The following ELMO1 variants were observed in gnomAD, a reference collection of about 807,000 sequenced individuals.
ELMO1 encodes the protein engulfment and cell motility protein 1.
Under a neutral mutation model 98.9 loss-of-function variants are expected in ELMO1, and 26 were observed. The observed-to-expected ratio is 0.26, with a 90% CI of 0.19 to 0.36. ELMO1 has a LOEUF of 0.36. Among genes scored for constraint, ELMO1 ranks in the 10% least tolerant of loss-of-function variants. The probability of loss-of-function intolerance (pLI) is 1.00; values close to 1 mark genes in which losing one functional copy is unlikely to be tolerated. For missense variants in ELMO1, 627 were observed against 935.2 expected, an observed-to-expected ratio of 0.67 and a Z score of 4.30; for synonymous variants, 346 against 346.0, an observed-to-expected ratio of 1.00 and a Z score of 0.00.
intron 16 of ELMO1, among the ~76,000 whole-genome samples, chr7:36,971,051 C>A (rs1366202646): frequency 1.3e-5 from 2 of 152,184 alleles, no homozygotes; most frequent in African/African-American, 2.4e-5. Flanking sequence ...CTGTGGAAAC[C>A]CAGGTATGGA....
intron 1 of ELMO1, among the ~76,000 whole-genome samples, chr7:37,388,275 G>C (rs937442415): frequency 6.6e-6 from 1 of 152,154 alleles, no homozygotes; most frequent in Non-Finnish European, 1.5e-5. Context: ...ACTCGATACA[G>C]AGACAACAGG....
chr7:36,910,186 C>G (rs927778861), intron 16 of ELMO1, among the ~76,000 whole-genome samples: 3 of 152,194 alleles, frequency 2.0e-5, no homozygotes, highest in Admixed American at 2.0e-4. Flanking sequence ...CTTTAGAGGT[C>G]CGGTTGATGG....
At chr7:37,320,036 A>T (rs112174487) in intron 2 of ELMO1, among the ~76,000 whole-genome samples, 2,847 of 152,292 alleles carry the variant, frequency 0.019, 105 homozygotes, top group African/African-American at 0.064. Flanking sequence ...TGGGCGGATC[A>T]TGAGGTCAGG....
At chr7:37,121,008 C>A (rs1436287273) in intron 14 of ELMO1, among the ~76,000 whole-genome samples, 1 of 152,222 alleles carries the variant, frequency 6.6e-6, no homozygotes, top group Non-Finnish European at 1.5e-5. Context: ...GATACCCAGG[C>A]AAACAGAGTC....
intron 4 of ELMO1, among the ~76,000 whole-genome samples, chr7:37,298,278 G>GT (rs200612374): frequency 0.016 from 963 of 58,570 alleles, 14 homozygotes; most frequent in Middle Eastern, 0.033. Context: ...AGACTAGGAA[G>GT]TTTTTTTTGT....
intron 15 of ELMO1, chr7:37,033,411 A>T (rs1030425343): frequency 2.2e-6 from 1 of 456,234 alleles, no homozygotes; most frequent in African/African-American, 2.0e-5. Context: ...GAGATAAGTG[A>T]TCTATGAAAA....
chr7:36,863,671 T>C (rs527621753), intron 20 of ELMO1, among the ~76,000 whole-genome samples: 142 of 152,248 alleles, frequency 9.3e-4, no homozygotes, highest in African/African-American at 3.3e-3. Context: ...CAAAGTTAAG[T>C]GGAGAAAAGC....
intron 15 of ELMO1, among the ~76,000 whole-genome samples, chr7:37,062,284 G>A (rs1796706485): frequency 6.6e-6 from 1 of 152,152 alleles, no homozygotes; most frequent in Non-Finnish European, 1.5e-5. Context: ...GAAGAAATGA[G>A]AATGAGCCCA....
chr7:37,104,237 A>G (rs2129269229), intron 14 of ELMO1, among the ~76,000 whole-genome samples: 1 of 152,066 alleles, frequency 6.6e-6, no homozygotes, highest in East Asian at 1.9e-4. Flanking sequence ...AGTGAAGAAT[A>G]TAATTGTTAC....
intron 15 of ELMO1, among the ~76,000 whole-genome samples, chr7:37,055,336 G>A (rs1237851817): frequency 2.0e-5 from 3 of 152,212 alleles, no homozygotes; most frequent in African/African-American, 7.2e-5. Flanking sequence ...ATTTGGGCAG[G>A]CTGATTTCCC....
rs1417853378 is a variant in ELMO1 at position 36,939,206 on chromosome 7, AGGCCAAAGACTTGG to A, written c.1438-44203_1438-44190del. On this transcript the variant is annotated intron_variant, in intron 16 of 21. Transcript: ENST00000310758. ...TTTATCTCCTAGCCACAGCATACAA[AGGCCAAAGACTTGG>A]CCACTTACCGAAGACAGAGTCTAAG... Among the ~76,000 whole-genome samples the A allele has an allele frequency of 2.0e-5, 3 of 149,610 alleles. No homozygotes were observed. In the South Asian group the frequency reaches 6.2e-4, roughly 31 times the overall value.
Position 37,155,578 on chromosome 7 carries a change from T to C in ELMO1, c.1087-22344A>G, listed in dbSNP as rs148703656. Among the ~76,000 whole-genome samples, 224 of 148,766 alleles carry C rather than the reference T, an allele frequency of 1.5e-3. 2 individuals carry two copies. Among genetic ancestry groups the C allele is most frequent in the African/African-American group, 5.3e-3 (210 of 39,748 alleles). On this transcript the variant is annotated intron_variant, in intron 13 of 21. Coordinates refer to ENST00000310758, the MANE Select transcript of ELMO1 (RefSeq NM_014800.11). ...AACAAAGATCAAAAGAGACAAAGAA[T>C]GCCATTACATAATGGTAAAGGGATC...
At chr7:37,015,172 G>A (rs1478182864) in intron 15 of ELMO1, among the ~76,000 whole-genome samples, 1 of 152,042 alleles carries the variant, frequency 6.6e-6, no homozygotes, top group African/African-American at 2.4e-5. Context: ...AAGGGCATGG[G>A]CCTGGAGCAA....
At chr7:37,118,352 A>G (rs748468999) in intron 14 of ELMO1, among the ~76,000 whole-genome samples, 1 of 152,184 alleles carries the variant, frequency 6.6e-6, no homozygotes, top group Non-Finnish European at 1.5e-5. Flanking sequence ...CAGTCTGTTT[A>G]TAATATACTC....
chr7:36,875,266 CT>C (rs3832465), intron 19 of ELMO1, among the ~76,000 whole-genome samples: 1 of 151,224 alleles, frequency 6.6e-6, no homozygotes, highest in African/African-American at 2.4e-5. Context: ...TTAGGCCGGG[CT>C]TTTTTTTTGT....
intron 2 of ELMO1, among the ~76,000 whole-genome samples, chr7:37,335,987 G>A (rs1220876917): frequency 6.6e-6 from 1 of 152,154 alleles, no homozygotes; most frequent in Non-Finnish European, 1.5e-5. Flanking sequence ...AGCACTTTGG[G>A]AGGCTGAGGT....
chr7:36,941,803 A>G (rs926097258), intron 16 of ELMO1, among the ~76,000 whole-genome samples: 2 of 152,184 alleles, frequency 1.3e-5, no homozygotes, highest in Admixed American at 1.3e-4. Flanking sequence ...AAGATACTGC[A>G]TTCACTCTAC....
intron 2 of ELMO1, among the ~76,000 whole-genome samples, chr7:37,318,360 T>C (rs1243283815): frequency 6.6e-6 from 1 of 151,994 alleles, no homozygotes; most frequent in East Asian, 1.9e-4. Flanking sequence ...GAAACATAAA[T>C]AACGGAGCCA....
At chr7:36,950,823 C>T (rs1787905920) in intron 16 of ELMO1, among the ~76,000 whole-genome samples, 1 of 152,136 alleles carries the variant, frequency 6.6e-6, no homozygotes, top group African/African-American at 2.4e-5. Flanking sequence ...AGGATGCACT[C>T]CATGAAGCTG....
Sources: allele counts gnomAD v4.1 joint callset (sites outside exome capture counted in the v4.1 genomes callset), GRCh38; gene constraint gnomAD v4.1.1; transcripts MANE v1.5; gene names NCBI Gene and HGNC (gene_info 2026-07-23, HGNC 2026-07-21).